The following FLI1 variants were observed in gnomAD, a reference collection of about 807,000 sequenced individuals.
FLI1 encodes Fli-1 proto-oncogene, ETS transcription factor.
FLI1 carries 13 observed loss-of-function variants against 53.1 expected under a neutral mutation model. The ratio of observed to expected loss-of-function variants is 0.24; its 90% confidence interval spans 0.16 to 0.39. The LOEUF is 0.39. FLI1 is among the 10% of genes least tolerant of loss of function. The probability of loss-of-function intolerance (pLI) is 1.00; values close to 1 mark genes in which losing one functional copy is unlikely to be tolerated. For missense variants in FLI1, 424 were observed against 600.5 expected, an observed-to-expected ratio of 0.71 and a Z score of 3.07; for synonymous variants, 244 against 236.7, an observed-to-expected ratio of 1.03 and a Z score of -0.28.
upstream of FLI1, among the ~76,000 whole-genome samples, chr11:128,692,333 G>C (rs1263115612): frequency 6.6e-6 from 1 of 152,194 alleles, no homozygotes; most frequent in Non-Finnish European, 1.5e-5. Context: ...GACCCCGCTA[G>C]CGGTAACCAG....
At chr11:128,809,098 G>A in intron 7 of FLI1, 59 bp from the exon 8 acceptor site, 1 of 1,336,642 alleles carries the variant, frequency 7.5e-7, no homozygotes, top group Non-Finnish European at 1.1e-6. Flanking sequence ...TCTTATGGTT[G>A]GTACGGTTGT....
chr11:128,800,925 T>C (rs1030153161), intron 5 of FLI1, among the ~76,000 whole-genome samples: 2 of 152,212 alleles, frequency 1.3e-5, no homozygotes, highest in Admixed American at 6.5e-5. Context: ...ATAAGATCTG[T>C]TATCTTGGTA....
At chr11:128,709,995 A>G (rs1233848571) in intron 1 of FLI1, among the ~76,000 whole-genome samples, 1 of 152,240 alleles carries the variant, frequency 6.6e-6, no homozygotes, top group Non-Finnish European at 1.5e-5. Flanking sequence ...ACAGAACAAA[A>G]GAAGTAATTT....
chr11:128,790,705 A>C (rs1175788708), intron 5 of FLI1, among the ~76,000 whole-genome samples: 1 of 152,228 alleles, frequency 6.6e-6, no homozygotes, highest in Non-Finnish European at 1.5e-5. Context: ...ACTGAGTATC[A>C]GTCCACTGCC....
At chr11:128,800,373 A>G (rs1942596380) in intron 5 of FLI1, among the ~76,000 whole-genome samples, 1 of 152,186 alleles carries the variant, frequency 6.6e-6, no homozygotes, top group Non-Finnish European at 1.5e-5. Flanking sequence ...GGATGAAGAG[A>G]GAGGCTTTTG....
At chr11:128,809,229 C>CT in intron 8 of FLI1, 25 bp downstream of exon 8, 2 of 1,609,042 alleles carry the variant, frequency 1.2e-6, no homozygotes, top group Non-Finnish European at 1.7e-6. Context: ...GCCTGCAAGC[C>CT]TTTTTTGCCA....
In FLI1 at chr11:128,798,446, C is replaced by T. The variant is rs570167782; in HGVS notation, c.656-6920C>T. 1.6e-4 allele frequency among the ~76,000 whole-genome samples: 25 copies of T among 152,342 alleles called. No homozygotes were observed. In the South Asian group the frequency reaches 5.0e-3, roughly 30 times the overall value. On this transcript the variant is annotated intron_variant, in intron 5 of 8. Coordinates refer to ENST00000527786, the MANE Select transcript of FLI1 (RefSeq NM_002017.5). ...GCTGTGCCCAGAGAATGTGCCACTT[C>T]ACTCTCCACGCTTTTCATATTTAAA...
intron 1 of FLI1, among the ~76,000 whole-genome samples, chr11:128,710,214 C>T (rs1034445161): frequency 2.6e-5 from 4 of 152,110 alleles, no homozygotes; most frequent in Admixed American, 2.6e-4. Context: ...AACATTTGCC[C>T]ATATTCTACC....
intron 1 of FLI1, among the ~76,000 whole-genome samples, chr11:128,701,043 A>G (rs1938310940): frequency 6.6e-6 from 1 of 152,234 alleles, no homozygotes; most frequent in African/African-American, 2.4e-5. Flanking sequence ...CAGAGGCCAC[A>G]CAAGAAATGA....
chr11:128,723,603 A>G (rs768348077), intron 1 of FLI1, among the ~76,000 whole-genome samples: 4 of 152,248 alleles, frequency 2.6e-5, no homozygotes, highest in Non-Finnish European at 5.9e-5. Flanking sequence ...GGATAGGTAT[A>G]GAAAAACCCT....
intron 1 of FLI1, among the ~76,000 whole-genome samples, chr11:128,712,831 T>C (rs1371529844): frequency 1.3e-5 from 2 of 152,190 alleles, no homozygotes; most frequent in Admixed American, 6.5e-5. Context: ...ATCCTTGATA[T>C]CCTGAGACAT....
At chr11:128,766,377 C>G (rs1941340369) in intron 2 of FLI1, among the ~76,000 whole-genome samples, 1 of 152,206 alleles carries the variant, frequency 6.6e-6, no homozygotes, top group Non-Finnish European at 1.5e-5. Context: ...CCTGGAAAAA[C>G]AGTAGGCGAA....
intron 3 of FLI1, chr11:128,768,544 C>A: frequency 2.3e-6 from 1 of 433,454 alleles, no homozygotes; most frequent in Non-Finnish European, 4.3e-6. Flanking sequence ...CAAAAATTAG[C>A]CAGGTGTGGT....
chr11:128,717,570 C>T (rs1189931082), intron 1 of FLI1, among the ~76,000 whole-genome samples: 12 of 152,058 alleles, frequency 7.9e-5, no homozygotes, highest in Admixed American at 5.2e-4. Context: ...GCATGCCAGG[C>T]GGTTTATAAA....
intron 1 of FLI1, among the ~76,000 whole-genome samples, chr11:128,704,863 CATAGTT>C (rs1555108093): frequency 2.6e-5 from 4 of 152,198 alleles, no homozygotes; most frequent in Non-Finnish European, 5.9e-5. Flanking sequence ...GAAGAACAAT[CATAGTT>C]ATAAAGAGAA....
intron 5 of FLI1, chr11:128,804,459 A>G (rs953427727): frequency 6.6e-6 from 1 of 152,228 alleles, no homozygotes; most frequent in Non-Finnish European, 1.5e-5. Flanking sequence ...TAGTTAAGCA[A>G]TTTCTCAACA....
At chr11:128,692,315 G>C (rs1233193505), upstream of FLI1, among the ~76,000 whole-genome samples, 5 of 152,162 alleles carry the variant, frequency 3.3e-5, no homozygotes, top group African/African-American at 9.7e-5. Context: ...CAGGCAAAGG[G>C]GGGGACTGAC....
intron 1 of FLI1, among the ~76,000 whole-genome samples, chr11:128,750,185 G>GA (rs1465998700): frequency 1.3e-5 from 2 of 152,222 alleles, no homozygotes; most frequent in Non-Finnish European, 2.9e-5. Context: ...GAGCGGCGGA[G>GA]TGGGCCCACT....
Position 128,687,459 on chromosome 11 carries a change from G to C in FLI1, c.-203+758G>C, listed in dbSNP as rs371881848. On this transcript the variant is annotated intron_variant, in intron 1 of 6. Transcript: ENST00000344954. ...GCAGCCGCGACCTGACGCCCTCCGA[G>C]TAGGGACCCAAAGCTTAGGACCATC... Among the ~76,000 whole-genome samples the C allele has an allele frequency of 9.7e-3, 1,471 of 152,278 alleles. 23 individuals carry two copies. Among genetic ancestry groups the C allele is most frequent in the African/African-American group, 0.033 (1,376 of 41,552 alleles).
Sources: gnomAD v4.1 joint callset for allele counts (sites outside exome capture counted in the v4.1 genomes callset) on GRCh38, gnomAD v4.1.1 for gene constraint, MANE v1.5 for transcripts, NCBI Gene and HGNC (gene_info 2026-07-23, HGNC 2026-07-21) for gene names.